RPUSD4: variants seen among roughly 807,000 people sequenced by gnomAD.
RPUSD4 encodes pseudouridylate synthase RPUSD4, mitochondrial.
In RPUSD4, 37 loss-of-function variants were observed where a neutral mutation model predicts 35.4. The observed-to-expected ratio is 1.04, with a 90% CI of 0.80 to 1.37. The LOEUF is 1.37. Ranked by LOEUF, RPUSD4 falls within the 40% of genes most tolerant of loss-of-function variation. The probability of loss-of-function intolerance (pLI) is 0.00; values close to 1 mark genes in which losing one functional copy is unlikely to be tolerated. For synonymous variants in RPUSD4, 210 were observed against 192.7 expected (o/e 1.09, Z -0.74); for missense variants, 507 against 484.9 (o/e 1.05, Z -0.43).
chr11:126,205,794 C>A lies in RPUSD4; in HGVS notation c.558-13G>T. On this transcript the variant is annotated splice_polypyrimidine_tract_variant and intron_variant, in intron 3 of 6. Transcript: ENST00000298317. Reference sequence around the variant, plus strand: ...CACAGTGATGGCCCTGGGGGTGACACAGATCACTGCTTTAGCCAACCAAGC... The same window carrying A: ...CACAGTGATGGCCCTGGGGGTGACAAAGATCACTGCTTTAGCCAACCAAGC... 1.9e-6 allele frequency: 3 copies of A among 1,570,126 alleles called. No homozygotes were observed. The highest frequency in any genetic ancestry group is 1.7e-4 in the Middle Eastern group (1 of 5,884).
At chr11:126,210,594 G>A (rs994196645) in intron 2 of RPUSD4, among the ~76,000 whole-genome samples, 1 of 151,324 alleles carries the variant, frequency 6.6e-6, no homozygotes, top group East Asian at 1.9e-4. Flanking sequence ...CAGTTCTGAT[G>A]GAAGATAACC....
chr11:126,203,292 C>A lies in RPUSD4; in HGVS notation c.*126G>T. The A allele has an allele frequency of 7.0e-7, 1 of 1,420,570 alleles. No homozygotes were observed. Among genetic ancestry groups the A allele is most frequent in the Middle Eastern group, 2.0e-4 (1 of 5,046 alleles). The allele number at this position is 1,420,570 out of a possible 1,614,324, so 88.0% of individuals were successfully genotyped here. On this transcript the variant is annotated 3_prime_UTR_variant, in exon 7 of 7. Transcript: ENST00000298317. ...CCACCTGGCTCTTACGCAGTCTGTTCCAAGTGAGAAGTTAGCAGAGTCCTG... is the reference window on the plus strand; with the variant it reads ...CCACCTGGCTCTTACGCAGTCTGTTACAAGTGAGAAGTTAGCAGAGTCCTG...
chr11:126,207,868 TA>T (rs200276798), intron 3 of RPUSD4, among the ~76,000 whole-genome samples: 5 of 143,758 alleles, frequency 3.5e-5, no homozygotes, highest in African/African-American at 7.6e-5. Flanking sequence ...CGGTCTTAAA[TA>T]AAAAAAAATA....
intron 3 of RPUSD4, 82 bp downstream of exon 3, chr11:126,209,439 G>C: frequency 8.4e-7 from 1 of 1,196,804 alleles, no homozygotes; most frequent in Non-Finnish European, 1.2e-6. Context: ...CTATTAATGG[G>C]AGTTTCTGTT....
rs1039881297 is a variant in RPUSD4 at position 126,205,922 on chromosome 11, G to C, written c.558-141C>G. 17 of 595,848 alleles carry C rather than the reference G, an allele frequency of 2.9e-5. No individual in the cohort carries two copies. The African/African-American group carries it at 3.2e-4, about 11-fold the overall frequency. The allele number at this position is 595,848 out of a possible 1,614,324, so 36.9% of individuals were successfully genotyped here. ...TTGAAGGATCGTGCAAGATTCTCTT[G>C]GTGTAATGCTTAGCCTGAGAGCTGA... is the stretch of plus-strand genomic sequence containing the variant. On this transcript the variant is annotated intron_variant, in intron 3 of 6. Coordinates refer to ENST00000298317, the MANE Select transcript of RPUSD4 (RefSeq NM_032795.3).
In RPUSD4 at chr11:126,203,478, T is replaced by G. The variant is rs1949734613; in HGVS notation, c.1074A>C (p.Leu358Phe). 1 of 1,614,096 alleles carries G rather than the reference T, an allele frequency of 6.2e-7. No individual in the cohort carries two copies. The stretch of plus-strand genomic sequence containing the variant: ...CATTTTGATCCTCATTTGGCATCTC[T>G]AAACGCAGGCGGTGCAGGGAATGCA... ...FFVHSLHRLR[L>F]EMPNEDQNEN... Residue 358 changes from leucine to phenylalanine, a missense_variant, in exon 7 of 7, where the codon TTA becomes TTC. Physicochemically the swap from Leu to Phe is conservative, Grantham distance 22. Transcript: ENST00000298317.
chr11:126,202,185 G>T lies in RPUSD4; in HGVS notation c.*1233C>A, dbSNP rs1048736624. 3 of 152,208 alleles carry T rather than the reference G, an allele frequency of 2.0e-5. No individual in the cohort carries two copies. The highest frequency in any genetic ancestry group is 1.3e-4 in the Admixed American group (2 of 15,290). The allele number at this position is 152,208 out of a possible 1,614,324, so 9.4% of individuals were successfully genotyped here. A position where few individuals can be genotyped will look rare whatever the true frequency, so the allele number is the denominator to read the frequency against. The stretch of plus-strand genomic sequence containing the variant: ...GAAAGTGGCATCATCTATACAGAGG[G>T]AACATATAAAGACTGTCCCGGGGTG... On this transcript the variant is annotated 3_prime_UTR_variant, in exon 7 of 7. Coordinates refer to ENST00000298317, the MANE Select transcript of RPUSD4 (RefSeq NM_032795.3).
In RPUSD4 at chr11:126,202,842, T is replaced by C. The variant is rs570453719; in HGVS notation, c.*576A>G. Reference sequence around the variant, plus strand: ...CAGCCAGCTTCATGTGTGCATGTTATCTGCCTGCCATTCACATCGGTTCTC... The same window carrying C: ...CAGCCAGCTTCATGTGTGCATGTTACCTGCCTGCCATTCACATCGGTTCTC... On this transcript the variant is annotated 3_prime_UTR_variant, in exon 7 of 7. Coordinates refer to ENST00000298317, the MANE Select transcript of RPUSD4 (RefSeq NM_032795.3). 1 of 152,752 alleles carries C rather than the reference T, an allele frequency of 6.5e-6. No homozygotes were observed. Among genetic ancestry groups the C allele is most frequent in the South Asian group, 2.1e-4 (1 of 4,836 alleles). The allele number at this position is 152,752 out of a possible 1,614,324, so 9.5% of individuals were successfully genotyped here.
In RPUSD4 at chr11:126,211,034, G is replaced by T; in HGVS notation, c.211C>A (p.Arg71=). 6.2e-7 allele frequency: 1 copy of T among 1,613,808 alleles called. No individual in the cohort carries two copies. Among genetic ancestry groups the T allele is most frequent in the Non-Finnish European group, 8.5e-7 (1 of 1,180,010 alleles). The change falls in exon 2 of 7, where the codon CGG becomes AGG. Residue 71 remains arginine (R), a synonymous_variant. Transcript: ENST00000298317. ...KEPVSTNAVQ[R]RVQEIVRFTR... is the part of the protein sequence containing the mutation. ...AACCGCACTATTTCTTGCACTCTCC[G>T]CTGAACAGCGTTTGTGGACACCTAG...
chr11:126,207,065 T>C (rs995962108), intron 3 of RPUSD4, among the ~76,000 whole-genome samples: 1 of 152,238 alleles, frequency 6.6e-6, no homozygotes, highest in African/African-American at 2.4e-5. Flanking sequence ...TTTTGATTGC[T>C]TGAATAGAAA....
chr11:126,210,771 A>G (rs1392452370), intron 2 of RPUSD4, 119 bp downstream of exon 2: 2 of 1,024,082 alleles, frequency 2.0e-6, no homozygotes, highest in Non-Finnish European at 2.8e-6. Flanking sequence ...GGTAGTTTAC[A>G]AAAGTTTAAT....
chr11:126,205,106 C>T (rs911190669), intron 5 of RPUSD4, among the ~76,000 whole-genome samples: 1 of 152,200 alleles, frequency 6.6e-6, no homozygotes, highest in African/African-American at 2.4e-5. Flanking sequence ...CTCCATTCAT[C>T]CCCCAATGGT....
At chr11:126,211,360 C>CT in intron 1 of RPUSD4, 90 bp downstream of exon 1, 1 of 1,388,118 alleles carries the variant, frequency 7.2e-7, no homozygotes, top group South Asian at 1.4e-5. Context: ...GACTCACACG[C>CT]TTTCACTCAG....
At chr11:126,211,300 C>T (rs1392713406) in intron 1 of RPUSD4, 150 bp downstream of exon 1, 5 of 989,616 alleles carry the variant, frequency 5.1e-6, no homozygotes, top group Non-Finnish European at 7.5e-6. Context: ...CCCTTACTGA[C>T]CCCTCCCCTC....
intron 3 of RPUSD4, chr11:126,209,152 G>A (rs772410588): frequency 7.2e-5 from 14 of 195,316 alleles, no homozygotes; most frequent in African/African-American, 2.1e-4. Context: ...CCACTATACC[G>A]GACTAACTTC....
In RPUSD4 at chr11:126,208,069, C is replaced by A. The variant is rs1402504702; in HGVS notation, c.557+1452G>T. Among the ~76,000 whole-genome samples, 7 of 151,320 alleles carry A rather than the reference C, an allele frequency of 4.6e-5. No individual in the cohort carries two copies. In the East Asian group the frequency reaches 1.4e-3, roughly 29 times the overall value. On this transcript the variant is annotated intron_variant, in intron 3 of 6. Coordinates refer to ENST00000298317, the MANE Select transcript of RPUSD4 (RefSeq NM_032795.3). The stretch of plus-strand genomic sequence containing the variant: ...CACAGTGGCAAACCCTTTAAAAATG[C>A]TTTGGCTGATAAGGGGAGGTGGGTA...
intron 6 of RPUSD4, 120 bp downstream of exon 6, chr11:126,204,111 C>G: frequency 1.3e-6 from 1 of 768,510 alleles, no homozygotes; most frequent in South Asian, 1.6e-5. Context: ...AGATAATGAG[C>G]TTGGTATCAT....
At chr11:126,204,731 G>A (rs1280311840) in intron 5 of RPUSD4, among the ~76,000 whole-genome samples, 2 of 152,196 alleles carry the variant, frequency 1.3e-5, no homozygotes, top group Non-Finnish European at 2.9e-5. Flanking sequence ...CCAAGTCAGT[G>A]ACATTAGGTG....
At chr11:126,205,424 G>A (rs1353891098) in intron 5 of RPUSD4, 44 bp downstream of exon 5, 5 of 1,609,528 alleles carry the variant, frequency 3.1e-6, no homozygotes, top group Admixed American at 1.7e-5. Context: ...AAACCTGGTG[G>A]CACAGGGTTT....
Sources: allele counts gnomAD v4.1 joint callset (sites outside exome capture counted in the v4.1 genomes callset), GRCh38; gene constraint gnomAD v4.1.1; transcripts MANE v1.5; gene names NCBI Gene and HGNC (gene_info 2026-07-23, HGNC 2026-07-21).